Variants in RAP2A observed in about 807,000 individuals in gnomAD.
The protein encoded by RAP2A is RAP2A, member of RAS oncogene family.
RAP2A carries 5 observed loss-of-function variants against 15.1 expected under a neutral mutation model. That is an observed-to-expected ratio of 0.33 (90% CI 0.17 to 0.70). The LOEUF is 0.70. RAP2A is among the 30% of genes least tolerant of loss of function. RAP2A has a pLI of 0.68. For synonymous variants in RAP2A, 110 were observed against 99.7 expected (o/e 1.10, Z -0.62); for missense variants, 111 against 240.3 (o/e 0.46, Z 3.56).
At chr13:97,444,568 A>G (rs1177102159) in intron 1 of RAP2A, among the ~76,000 whole-genome samples, 1 of 152,238 alleles carries the variant, frequency 6.6e-6, no homozygotes, top group Non-Finnish European at 1.5e-5. Flanking sequence ...TCATTTGCAT[A>G]GCATTGCCTT....
At position 97,445,162 on chromosome 13, in the gene RAP2A, T is replaced by C. The variant is rs1424673562; in HGVS notation, c.314+10378T>C. 2.0e-5 allele frequency among the ~76,000 whole-genome samples: 3 copies of C among 152,306 alleles called. No individual in the cohort carries two copies. The East Asian group carries it at 5.8e-4, about 29-fold the overall frequency. ...ACATTGGGGATTAAATTTCAACATATGAATTTTAGGGAGACAAGCATTCAG... is the reference window on the plus strand; with the variant it reads ...ACATTGGGGATTAAATTTCAACATACGAATTTTAGGGAGACAAGCATTCAG... On this transcript the variant is annotated intron_variant, in intron 1 of 1. Transcript: ENST00000245304.
chr13:97,455,537 A>G (rs2066719308), intron 1 of RAP2A, among the ~76,000 whole-genome samples: 1 of 151,452 alleles, frequency 6.6e-6, no homozygotes, highest in Admixed American at 6.6e-5. Flanking sequence ...TTAGCCAATA[A>G]CCAACCCACT....
intron 1 of RAP2A, among the ~76,000 whole-genome samples, chr13:97,452,453 TA>T (rs1174605922): frequency 6.6e-6 from 1 of 151,364 alleles, no homozygotes; most frequent in Non-Finnish European, 1.5e-5. Context: ...AGTCTGTTTC[TA>T]GGCTATTTTC....
At chr13:97,435,465 C>G (rs1261352045) in intron 1 of RAP2A, among the ~76,000 whole-genome samples, 1 of 63,640 alleles carries the variant, frequency 1.6e-5, no homozygotes, top group Non-Finnish European at 3.0e-5. Context: ...TAACCCCTTC[C>G]AAAAAAAAAA....
At position 97,462,854 on chromosome 13, in the gene RAP2A, G is replaced by A. The variant is rs554673331; in HGVS notation, c.315-1351G>A. ...GGAATTTGGTTTGCTTTACAAGTTA[G>A]GATGAGTGGAGAGAACCCTCTTGAC... On this transcript the variant is annotated intron_variant, in intron 1 of 1. Coordinates refer to ENST00000245304, the MANE Select transcript of RAP2A (RefSeq NM_021033.7). Among the ~76,000 whole-genome samples, 236 of 152,304 alleles carry A rather than the reference G, an allele frequency of 1.5e-3. 3 individuals carry two copies. Among genetic ancestry groups the A allele is most frequent in the Middle Eastern group, 0.01 (3 of 294 alleles).
At position 97,444,197 on chromosome 13, in the gene RAP2A, G is replaced by A. The variant is rs182605065; in HGVS notation, c.314+9413G>A. ...AGAACTTATAGCATAGACCTTGAGT[G>A]CTTTGTGTTTTTGCCTTCCCCTAGA... On this transcript the variant is annotated intron_variant, in intron 1 of 1. Coordinates refer to ENST00000245304, the MANE Select transcript of RAP2A (RefSeq NM_021033.7). 3.3e-5 allele frequency among the ~76,000 whole-genome samples: 5 copies of A among 152,258 alleles called. No homozygotes were observed. The East Asian group carries it at 9.7e-4, about 29-fold the overall frequency.
rs950983293 is a variant in RAP2A at position 97,452,652 on chromosome 13, A to G, written c.315-11553A>G. Among the ~76,000 whole-genome samples, 33 of 137,706 alleles carry G rather than the reference A, an allele frequency of 2.4e-4. 2 individuals are homozygous for G. The highest frequency in any genetic ancestry group is 2.1e-3 in the Admixed American group (30 of 14,550). The allele number at this position is 137,706 out of a possible 152,430, so 90.3% of individuals were successfully genotyped here. ...GAATCAGTCACACACACACACACGC[A>G]CACACACACACACACACAACCAACG... is the stretch of plus-strand genomic sequence containing the variant. On this transcript the variant is annotated intron_variant, in intron 1 of 1. Transcript: ENST00000245304.
At chr13:97,435,977 A>AG (rs2066632474) in intron 1 of RAP2A, 1 of 152,194 alleles carries the variant, frequency 6.6e-6, no homozygotes, top group African/African-American at 2.4e-5. Flanking sequence ...ATGTGTACCC[A>AG]GGGGATGATC....
At chr13:97,434,838 G>T in intron 1 of RAP2A, 54 bp downstream of exon 1, 9 of 1,596,152 alleles carry the variant, frequency 5.6e-6, no homozygotes, top group Non-Finnish European at 7.7e-6. Flanking sequence ...CACCGTCCCG[G>T]GGCTGGAACT....
At chr13:97,437,164 A>C (rs1410055000) in intron 1 of RAP2A, 1 of 152,214 alleles carries the variant, frequency 6.6e-6, no homozygotes, top group Admixed American at 6.5e-5. Context: ...ATTTTATTTA[A>C]CCCACCATAT....
chr13:97,441,758 T>G (rs764639967), intron 1 of RAP2A: 9 of 451,350 alleles, frequency 2.0e-5, no homozygotes, highest in African/African-American at 1.8e-4. Context: ...TACACACTTA[T>G]ATTTTTCAGG....
At position 97,446,573 on chromosome 13, in the gene RAP2A, A is replaced by T. The variant is rs769393757; in HGVS notation, c.314+11789A>T. ...CTGTTAAGACTGTGTTGATCCATAG[A>T]GTATGCTGGAAGTGATAACCAAGCC... On this transcript the variant is annotated intron_variant, in intron 1 of 1. Transcript: ENST00000245304. 8.5e-5 allele frequency among the ~76,000 whole-genome samples: 13 copies of T among 152,276 alleles called. No individual in the cohort carries two copies. In the South Asian group the frequency reaches 2.5e-3, roughly 29 times the overall value.
intron 1 of RAP2A, among the ~76,000 whole-genome samples, chr13:97,435,582 T>C (rs1594320821): frequency 6.6e-6 from 1 of 151,186 alleles, no homozygotes; most frequent in South Asian, 2.1e-4. Context: ...TTAATGTTAA[T>C]AAGCCTTTAT....
intron 1 of RAP2A, among the ~76,000 whole-genome samples, chr13:97,440,639 T>C (rs2066653597): frequency 6.6e-6 from 1 of 152,150 alleles, no homozygotes; most frequent in African/African-American, 2.4e-5. Flanking sequence ...CTTTTTTTCT[T>C]TAAAAACCAC....
intron 1 of RAP2A, among the ~76,000 whole-genome samples, chr13:97,440,315 G>A (rs1277345350): frequency 6.6e-6 from 1 of 151,936 alleles, no homozygotes; most frequent in African/African-American, 2.4e-5. Flanking sequence ...ATGAAGAATT[G>A]ATGACTAAAT....
chr13:97,438,747 T>C (rs1055340344), intron 1 of RAP2A, among the ~76,000 whole-genome samples: 2 of 152,206 alleles, frequency 1.3e-5, no homozygotes, highest in African/African-American at 4.8e-5. Context: ...CATCCAAATT[T>C]AATTATTTGT....
Position 97,434,476 on chromosome 13 carries a change from C to T in RAP2A, c.6C>T (p.Arg2=), listed in dbSNP as rs768951626. 2 of 1,599,452 alleles carry T rather than the reference C, an allele frequency of 1.3e-6. No individual in the cohort carries two copies. Among genetic ancestry groups the T allele is most frequent in the Non-Finnish European group, 8.5e-7 (1 of 1,171,148 alleles). ...GCGGCGGCCGCGGAGGGACGATGCG[C>T]GAGTACAAAGTGGTGGTGCTGGGCT... M[R]EYKVVVLGSG... Residue 2 remains arginine (R), a synonymous_variant, in exon 1 of 2, where the codon CGC becomes CGT. Transcript: ENST00000245304.
chr13:97,462,155 A>T (rs114353083), intron 1 of RAP2A, among the ~76,000 whole-genome samples: 2,644 of 150,050 alleles, frequency 0.018, 57 homozygotes, highest in African/African-American at 0.059. Context: ...ACTTTTTATT[A>T]TTCATAGACA....
intron 1 of RAP2A, among the ~76,000 whole-genome samples, chr13:97,460,755 G>A (rs749235195): frequency 1.6e-4 from 25 of 152,074 alleles, no homozygotes; most frequent in Non-Finnish European, 2.5e-4. Flanking sequence ...ATATTCTCTC[G>A]AGTGCCCGCT....
Sources: allele counts gnomAD v4.1 joint callset (sites outside exome capture counted in the v4.1 genomes callset), GRCh38; gene constraint gnomAD v4.1.1; transcripts MANE v1.5; gene names NCBI Gene and HGNC (gene_info 2026-07-23, HGNC 2026-07-21).